The following ENDOU variants were observed in gnomAD, a reference collection of about 807,000 sequenced individuals.
ENDOU encodes the protein uridylate-specific endoribonuclease.
Under a neutral mutation model 54.2 loss-of-function variants are expected in ENDOU, and 49 were observed. The ratio of observed to expected loss-of-function variants is 0.90; its 90% CI spans 0.72 to 1.15. The LOEUF is 1.15. Among genes scored for constraint, ENDOU ranks in the 50% most tolerant of loss-of-function variants. ENDOU has a pLI of 0.00. For synonymous variants in ENDOU, 172 were observed against 190.5 expected, an observed-to-expected ratio of 0.90 and a Z score of 0.80; for missense variants, 458 against 511.4, an observed-to-expected ratio of 0.90 and a Z score of 1.01.
At chr12:47,711,184 T>A (rs1055944775) in intron 9 of ENDOU, among the ~76,000 whole-genome samples, 3 of 152,186 alleles carry the variant, frequency 2.0e-5, no homozygotes, top group Admixed American at 6.5e-5. Flanking sequence ...TCCCAGATTC[T>A]GGAGGTGAAA....
intron 1 of ENDOU, 84 bp downstream of exon 1, chr12:47,725,275 C>T: frequency 6.7e-7 from 1 of 1,490,510 alleles, no homozygotes; most frequent in Non-Finnish European, 9.4e-7. Flanking sequence ...CGGCCCTGCC[C>T]TCTACCAAGT....
chr12:47,713,743 G>GGC lies in ENDOU; in HGVS notation c.752-356_752-355insGC, dbSNP rs1565731986. Among the ~76,000 whole-genome samples, 3 of 77,718 alleles carry GGC rather than the reference G, an allele frequency of 3.9e-5. 1 individual carries two copies. The highest frequency in any genetic ancestry group is 2.3e-4 in the Admixed American group (2 of 8,542). 51.0% of individuals were successfully genotyped at this position (77,718 alleles called of 152,430 possible). On this transcript the variant is annotated intron_variant, in intron 6 of 9. Transcript: ENST00000422538. ...AAAGGGCTGGCACATAAGTTGGCGG[G>GGC]GGGGGGGGGTCTTCTAGAAAGGAAC...
At chr12:47,716,553 C>A in intron 5 of ENDOU, 54 bp from the exon 6 acceptor site, 2 of 1,552,640 alleles carry the variant, frequency 1.3e-6, no homozygotes, top group East Asian at 2.3e-5. Context: ...GGGCAGCGAC[C>A]CCTCCAGAGA....
At position 47,725,357 on chromosome 12, in the gene ENDOU, A is replaced by G. The variant is rs1940552269; in HGVS notation, c.55+2T>C. ...TCCCATGCCCGCCAGATAGTGACTT[A>G]CCAGCCCAGGCCAGGCCACACAGCA... is the stretch of plus-strand genomic sequence containing the variant. On this transcript the variant is annotated splice_donor_variant, in intron 1 of 9. Transcript: ENST00000422538. LOFTEE classifies it high-confidence loss of function. 1.2e-6 allele frequency: 2 copies of G among 1,614,182 alleles called. No homozygotes were observed. The highest frequency in any genetic ancestry group is 4.5e-5 in the East Asian group (2 of 44,882).
chr12:47,716,888 A>G lies in ENDOU; in HGVS notation c.551+2T>C. 1 of 1,614,002 alleles carries G rather than the reference A, an allele frequency of 6.2e-7. No homozygotes were observed. Among genetic ancestry groups the G allele is most frequent in the South Asian group, 1.1e-5 (1 of 91,054 alleles). ...GTAGAAAGAGGAATTGTGGGAACTC[A>G]CGGCTTTGGGCAGCGATCCACTTGG... On this transcript the variant is annotated splice_donor_variant, in intron 5 of 9. Coordinates refer to ENST00000422538, the MANE Select transcript of ENDOU (RefSeq NM_001172439.2). LOFTEE classifies it high-confidence loss of function.
At position 47,716,962 on chromosome 12, in the gene ENDOU, TC is replaced by T; in HGVS notation, c.478del (p.Asp160ThrfsTer76). On this transcript the variant is annotated frameshift_variant, in exon 5 of 10. Coordinates refer to ENST00000422538, the MANE Select transcript of ENDOU (RefSeq NM_001172439.2). LOFTEE classifies it high-confidence loss of function. ...GCAGTTTTGGCTATTGAGAACGATG[TC>T]TTCCTTCTGGGCTTTGTTGGTGTCT... Reference protein sequence around the residue: ...RADTNKAQKEDIVLNSQNCIS... With the variant: ...RADTNKAQKEXIVLNSQNCIS... 6.2e-7 allele frequency: 1 copy of T among 1,614,110 alleles called. No individual in the cohort carries two copies. Among genetic ancestry groups the T allele is most frequent in the East Asian group, 2.2e-5 (1 of 44,888 alleles).
In ENDOU at chr12:47,717,978, C is replaced by G. The variant is rs1275929394; in HGVS notation, c.244+151G>C. On this transcript the variant is annotated intron_variant, in intron 3 of 9. Coordinates refer to ENST00000422538, the MANE Select transcript of ENDOU (RefSeq NM_001172439.2). ...CCCAGGCTGGCTGAGCCCCCCCAGG[C>G]TTCTTCCTGCCCAGGTTCCCAGAAT... The G allele has an allele frequency of 4.1e-6, 3 of 735,378 alleles. No individual in the cohort carries two copies. The East Asian group carries it at 8.3e-5, about 20-fold the overall frequency. The allele number at this position is 735,378 out of a possible 1,614,324, so 45.6% of individuals were successfully genotyped here.
intron 1 of ENDOU, among the ~76,000 whole-genome samples, chr12:47,721,248 G>A (rs530039168): frequency 2.6e-5 from 4 of 152,292 alleles, no homozygotes; most frequent in African/African-American, 7.2e-5. Flanking sequence ...AGCTCTAGCC[G>A]ATTGTGGCCA....
In ENDOU at chr12:47,710,932, A is replaced by G; in HGVS notation, c.1116-13T>C. Reference sequence around the variant, plus strand: ...GCTTAACTGGCACCTGTGGGGAAAGAGCCTGAAATCAGAGGAGCTCCCCAC... The same window carrying G: ...GCTTAACTGGCACCTGTGGGGAAAGGGCCTGAAATCAGAGGAGCTCCCCAC... On this transcript the variant is annotated splice_polypyrimidine_tract_variant and intron_variant, in intron 9 of 9. Coordinates refer to ENST00000422538, the MANE Select transcript of ENDOU (RefSeq NM_001172439.2). The G allele has an allele frequency of 1.3e-6, 2 of 1,587,018 alleles. No homozygotes were observed. The highest frequency in any genetic ancestry group is 1.7e-6 in the Non-Finnish European group (2 of 1,156,564).
Position 47,716,438 on chromosome 12 carries a change from G to A in ENDOU, c.613C>T (p.Leu205Phe), listed in dbSNP as rs762050796. Residue 205 changes from leucine (L) to phenylalanine (F), a missense_variant, in exon 6 of 10, where the codon CTC (leucine) becomes TTC (phenylalanine). Coordinates refer to ENST00000422538, the MANE Select transcript of ENDOU (RefSeq NM_001172439.2). ...SKPTYAAFINLLNNYQRATGH... is the reference protein window; with the variant it reads ...SKPTYAAFINFLNNYQRATGH... ...GTTGCCCGCTGGTAGTTGTTGAGGA[G>A]GTTGATGAAGGCTGCATAGGTGGGC... 1.9e-6 allele frequency: 3 copies of A among 1,614,122 alleles called. No homozygotes were observed. The highest frequency in any genetic ancestry group is 2.5e-6 in the Non-Finnish European group (3 of 1,180,042).
At chr12:47,717,796 C>G (rs1279038945) in intron 3 of ENDOU, 141 bp from the exon 4 acceptor site, 6 of 820,274 alleles carry the variant, frequency 7.3e-6, no homozygotes, top group Non-Finnish European at 1.9e-6. Context: ...AAACCTAATT[C>G]GTGCACACCC....
At chr12:47,715,355 C>G (rs550808323) in intron 6 of ENDOU, among the ~76,000 whole-genome samples, 6 of 152,314 alleles carry the variant, frequency 3.9e-5, no homozygotes, top group Non-Finnish European at 7.4e-5. Flanking sequence ...AGCCCCAGCT[C>G]CGCTTCCAAC....
At position 47,717,103 on chromosome 12, in the gene ENDOU, G is replaced by T. The variant is rs187839786; in HGVS notation, c.383-45C>A. 5.6e-5 allele frequency: 88 copies of T among 1,582,624 alleles called. No individual in the cohort carries two copies. In the African/African-American group the frequency reaches 1.1e-3, roughly 20 times the overall value. Reference sequence around the variant, plus strand: ...GGGTGGCCTCAGAGCCAGAGGGAAAGGGGGGCGGGCAGGAAATTATCTGTG... The same window carrying T: ...GGGTGGCCTCAGAGCCAGAGGGAAATGGGGGCGGGCAGGAAATTATCTGTG... On this transcript the variant is annotated intron_variant, in intron 4 of 9. Coordinates refer to ENST00000422538, the MANE Select transcript of ENDOU (RefSeq NM_001172439.2).
Position 47,711,898 on chromosome 12 carries a change from C to T in ENDOU, c.973-123G>A, listed in dbSNP as rs527671231. The T allele has an allele frequency of 4.7e-4, 499 of 1,064,122 alleles. 7 individuals carry two copies. The South Asian group carries it at 6.3e-3, about 13-fold the overall frequency. 65.9% of individuals were successfully genotyped at this position (1,064,122 alleles called of 1,614,324 possible). A position where few individuals can be genotyped will look rare whatever the true frequency, so the allele number is the denominator to read the frequency against. ...TCCATTAGGGGCCTGTGTGAACCTTCCAGGGAGACTGGATTCTTTAAATAG... is the reference window on the plus strand; with the variant it reads ...TCCATTAGGGGCCTGTGTGAACCTTTCAGGGAGACTGGATTCTTTAAATAG... On this transcript the variant is annotated intron_variant, in intron 8 of 9. Coordinates refer to ENST00000422538, the MANE Select transcript of ENDOU (RefSeq NM_001172439.2).
At position 47,710,873 on chromosome 12, in the gene ENDOU, T is replaced by C. The variant is rs755048473; in HGVS notation, c.1162A>G (p.Thr388Ala). 38 of 1,614,090 alleles carry C rather than the reference T, an allele frequency of 2.4e-5. No individual in the cohort carries two copies. Among genetic ancestry groups the C allele is most frequent in the Non-Finnish European group, 3.1e-5 (36 of 1,179,960 alleles). The change falls in exon 10 of 10, where the codon ACC becomes GCC. Residue 388 changes from threonine (T) to alanine (A), a missense_variant. Physicochemically the swap from Thr to Ala is moderately conservative, Grantham distance 58. Coordinates refer to ENST00000422538, the MANE Select transcript of ENDOU (RefSeq NM_001172439.2). Reference sequence around the variant, plus strand: ...TTCCCATAGGTGGACTTGTCCCAGGTATATGTCCGGACAGCTAAGGGATAT... The same window carrying C: ...TTCCCATAGGTGGACTTGTCCCAGGCATATGTCCGGACAGCTAAGGGATAT... ...GGYPLAVRTY[T>A]WDKSTYGNGK...
At chr12:47,720,953 C>T in intron 1 of ENDOU, 78 bp from the exon 2 acceptor site, 1 of 1,392,186 alleles carries the variant, frequency 7.2e-7, no homozygotes, top group Non-Finnish European at 9.8e-7. Flanking sequence ...GGAGGGTTCA[C>T]AGACCAGGGC....
chr12:47,714,285 T>G lies in ENDOU; in HGVS notation c.752-897A>C, dbSNP rs559387735. On this transcript the variant is annotated intron_variant, in intron 6 of 9. Transcript: ENST00000422538. ...CTCAGTCTAGCTCCAGAGACCAATCTCTTTAACAACTCTATAGCTTCTTGG... is the reference window on the plus strand; with the variant it reads ...CTCAGTCTAGCTCCAGAGACCAATCGCTTTAACAACTCTATAGCTTCTTGG... 1.4e-4 allele frequency among the ~76,000 whole-genome samples: 21 copies of G among 152,336 alleles called. No individual in the cohort carries two copies. The East Asian group carries it at 3.9e-3, about 28-fold the overall frequency.
intron 1 of ENDOU, among the ~76,000 whole-genome samples, chr12:47,721,129 G>T (rs927945736): frequency 6.6e-6 from 1 of 152,156 alleles, no homozygotes; most frequent in Non-Finnish European, 1.5e-5. Context: ...ATTTGGGTTA[G>T]GCCCATAACA....
rs779365369 is a variant in ENDOU, at chr12:47,718,141, C to T, written c.232G>A (p.Ala78Thr). 2 of 1,576,112 alleles carry T rather than the reference C, an allele frequency of 1.3e-6. No individual in the cohort carries two copies. The highest frequency in any genetic ancestry group is 1.7e-4 in the Middle Eastern group (1 of 5,944). Residue 78 changes from alanine (A) to threonine (T), a missense_variant, in exon 3 of 10, where the codon GCC becomes ACC. Ala to Thr is a moderately conservative substitution (Grantham distance 58, BLOSUM62 0). Coordinates refer to ENST00000422538, the MANE Select transcript of ENDOU (RefSeq NM_001172439.2). ...GAGGCAGGCTCACTGCTGGCGAGGG[C>T]CTCTTCTGTCTCTTCCTCCAGCTGT... ...LPQLEEETEE[A>T]LASNLYSAPT...
Sources: gnomAD v4.1 joint callset for allele counts (sites outside exome capture counted in the v4.1 genomes callset) on GRCh38, gnomAD v4.1.1 for gene constraint, MANE v1.5 for transcripts, NCBI Gene and HGNC (gene_info 2026-07-23, HGNC 2026-07-21) for gene names.